Variants in POU6F1 observed in about 807,000 individuals in gnomAD.
The protein encoded by POU6F1 is POU domain, class 6, transcription factor 1.
In POU6F1, 9 loss-of-function variants were observed where a neutral mutation model predicts 28.9. That is an observed-to-expected ratio of 0.31 (90% CI 0.19 to 0.54). POU6F1 has a LOEUF of 0.54. POU6F1 is among the 20% of genes least tolerant of loss of function. POU6F1 has a pLI of 0.94. For synonymous variants in POU6F1, 173 were observed against 171.1 expected (o/e 1.01, Z -0.09); for missense variants, 338 against 426.1 (o/e 0.79, Z 1.82).
rs1942206069 is a variant in POU6F1, at chr12:51,188,784, T to G, written c.*1463A>C. 1 of 152,146 alleles carries G rather than the reference T, an allele frequency of 6.6e-6. No individual in the cohort carries two copies. The highest frequency in any genetic ancestry group is 1.5e-5 in the Non-Finnish European group (1 of 68,032). The allele number at this position is 152,146 out of a possible 1,614,324, so 9.4% of individuals were successfully genotyped here. A position where few individuals can be genotyped will look rare whatever the true frequency, so the allele number is the denominator to read the frequency against. ...GGCAGCTGTTAGAGACCAGCCTCTG[T>G]AAGGATAAGAGTACTGAAGACAGGG... On this transcript the variant is annotated 3_prime_UTR_variant, in exon 11 of 11. Transcript: ENST00000333640.
chr12:51,208,988 G>A (rs1943811955), intron 1 of POU6F1, among the ~76,000 whole-genome samples: 1 of 152,176 alleles, frequency 6.6e-6, no homozygotes, highest in Non-Finnish European at 1.5e-5. Context: ...ATAAGGCTCT[G>A]TCAGTGAGGA....
At chr12:51,198,956 G>A (rs973804072) in intron 4 of POU6F1, among the ~76,000 whole-genome samples, 181 bp from the exon 5 acceptor site, 7 of 152,230 alleles carry the variant, frequency 4.6e-5, no homozygotes, top group Admixed American at 1.3e-4. Context: ...AACCTGAGGG[G>A]GTGCCTGGAC....
At chr12:51,201,875 T>TC (rs1420755570) in intron 3 of POU6F1, 6 of 148,178 alleles carry the variant, frequency 4.0e-5, no homozygotes, top group East Asian at 1.9e-4. Flanking sequence ...TTTTTTTTTT[T>TC]CTGAGACAAG....
intron 1 of POU6F1, 189 bp from the exon 2 acceptor site, chr12:51,207,072 G>A (rs1943678238): frequency 3.2e-6 from 1 of 313,318 alleles, no homozygotes; most frequent in Admixed American, 5.0e-5. Context: ...CGCCCAGGCT[G>A]GAGTGCAGTG....
intron 8 of POU6F1, among the ~76,000 whole-genome samples, chr12:51,193,404 G>A (rs537332298): frequency 2.0e-5 from 3 of 152,208 alleles, no homozygotes; most frequent in African/African-American, 4.8e-5. Context: ...GTGAGACCCC[G>A]ACTCTTACTA....
chr12:51,213,226 C>G (rs969683979), intron 1 of POU6F1, among the ~76,000 whole-genome samples: 1 of 152,120 alleles, frequency 6.6e-6, no homozygotes, highest in South Asian at 2.1e-4. Context: ...CGTGAGCCAC[C>G]GCGCCCGGCC....
At chr12:51,202,662 G>C (rs371805815) in intron 3 of POU6F1, 1 of 152,112 alleles carries the variant, frequency 6.6e-6, no homozygotes, top group Non-Finnish European at 1.5e-5. Flanking sequence ...ATCACACACA[G>C]AATTTTTTAA....
rs994277355 is a variant in POU6F1 at position 51,217,940 on chromosome 12, G to T, written c.-346C>A. 1.1e-4 allele frequency among the ~76,000 whole-genome samples: 16 copies of T among 151,916 alleles called. No individual in the cohort carries two copies. In the East Asian group the frequency reaches 2.9e-3, roughly 28 times the overall value. Reference sequence around the variant, plus strand: ...GGAAGGGGAAGCCGGGTGGGGGGGCGGTCAGGTATATATTTTTCTTCGTTC... The same window carrying T: ...GGAAGGGGAAGCCGGGTGGGGGGGCTGTCAGGTATATATTTTTCTTCGTTC... On this transcript the variant is annotated 5_prime_UTR_variant, in exon 1 of 11. Transcript: ENST00000333640. This position sits in a 1 kb window ranked among gnomAD's most constrained non-coding sequence, Gnocchi z 5.3.
chr12:51,190,687 C>T lies in POU6F1; in HGVS notation c.1491-95G>A, dbSNP rs938063560. ...GGTGCAGGCTCCATCCTCAAGGGGCCGCTCCTCTAGGGGCTGGTGAGACTG... is the reference window on the plus strand; with the variant it reads ...GGTGCAGGCTCCATCCTCAAGGGGCTGCTCCTCTAGGGGCTGGTGAGACTG... On this transcript the variant is annotated intron_variant, in intron 10 of 10. Coordinates refer to ENST00000333640, the MANE Select transcript of POU6F1 (RefSeq NM_001330422.2). This position sits in a 1 kb window ranked among gnomAD's most constrained non-coding sequence, Gnocchi z 4.5. The T allele has an allele frequency of 5.1e-5, 77 of 1,521,076 alleles. No homozygotes were observed. The highest frequency in any genetic ancestry group is 1.0e-4 in the South Asian group (8 of 78,332). 94.2% of individuals were successfully genotyped at this position (1,521,076 alleles called of 1,614,324 possible).
chr12:51,214,392 G>A lies in POU6F1; in HGVS notation c.-48+3250C>T, dbSNP rs561902690. ...CTTCAAGGCTCTGTCGACCTGCCCCGGACCCCATCCTCCTGACACCACACA... is the reference window on the plus strand; with the variant it reads ...CTTCAAGGCTCTGTCGACCTGCCCCAGACCCCATCCTCCTGACACCACACA... On this transcript the variant is annotated intron_variant, in intron 1 of 10. Transcript: ENST00000333640. Among the ~76,000 whole-genome samples the A allele has an allele frequency of 2.5e-4, 38 of 152,088 alleles. No individual in the cohort carries two copies. In the South Asian group the frequency reaches 5.8e-3, roughly 23 times the overall value.
chr12:51,198,407 G>A (rs1283702036), intron 5 of POU6F1, 143 bp downstream of exon 5: 5 of 397,882 alleles, frequency 1.3e-5, no homozygotes, highest in East Asian at 7.1e-5. Flanking sequence ...CTCTGCGGCC[G>A]GATGCCCAAG....
At chr12:51,204,939 A>G (rs1367265309) in intron 2 of POU6F1, among the ~76,000 whole-genome samples, 1 of 152,004 alleles carries the variant, frequency 6.6e-6, no homozygotes, top group East Asian at 1.9e-4. Context: ...GTAAAGGCTC[A>G]GGATTTCCCT....
In POU6F1 at chr12:51,190,027, A is replaced by G; in HGVS notation, c.*220T>C. On this transcript the variant is annotated 3_prime_UTR_variant, in exon 11 of 11. Transcript: ENST00000333640. The surrounding 1 kb of genome is among the most constrained non-coding windows in gnomAD (Gnocchi z 4.5). ...TCCTCTTCTTCGGAGTGACCAGCCC[A>G]GAGCCTGGAGCTCTCGTGTGGCCCC... 1.3e-6 allele frequency: 1 copy of G among 782,620 alleles called. No individual in the cohort carries two copies. Among genetic ancestry groups the G allele is most frequent in the Non-Finnish European group, 2.0e-6 (1 of 512,790 alleles). The allele number at this position is 782,620 out of a possible 1,614,324, so 48.5% of individuals were successfully genotyped here.
At chr12:51,216,247 C>G (rs1435083136) in intron 1 of POU6F1, among the ~76,000 whole-genome samples, 1 of 152,274 alleles carries the variant, frequency 6.6e-6, no homozygotes, top group Non-Finnish European at 1.5e-5. Context: ...ATCTTGGGGA[C>G]AAGAATATGA....
Position 51,190,106 on chromosome 12 carries a change from A to C in POU6F1, c.*141T>G. The C allele has an allele frequency of 7.3e-7, 1 of 1,368,240 alleles. No homozygotes were observed. The highest frequency in any genetic ancestry group is 9.7e-7 in the Non-Finnish European group (1 of 1,032,080). 84.8% of individuals were successfully genotyped at this position (1,368,240 alleles called of 1,614,324 possible). A position where few individuals can be genotyped will look rare whatever the true frequency, so the allele number is the denominator to read the frequency against. ...TGGGAGAAAAGAGGGACATTGATGC[A>C]CATGCACACGGTGGAGTCTGATGAC... On this transcript the variant is annotated 3_prime_UTR_variant, in exon 11 of 11. Coordinates refer to ENST00000333640, the MANE Select transcript of POU6F1 (RefSeq NM_001330422.2). The surrounding 1 kb of genome is among the most constrained non-coding windows in gnomAD (Gnocchi z 4.5).
At chr12:51,196,208 G>A (rs906426432) in intron 7 of POU6F1, 35 bp from the exon 8 acceptor site, 5 of 1,448,008 alleles carry the variant, frequency 3.5e-6, no homozygotes, top group African/African-American at 1.4e-5. Context: ...CCAGGTGTGA[G>A]GGTAGCATCC....
At chr12:51,196,721 C>T (rs938093543) in intron 7 of POU6F1, 78 bp downstream of exon 7, 6 of 1,538,158 alleles carry the variant, frequency 3.9e-6, no homozygotes, top group East Asian at 4.5e-5. Context: ...CTATGACCCA[C>T]AGCCCAAGAC....
At chr12:51,200,088 G>C (rs571542696) in intron 3 of POU6F1, among the ~76,000 whole-genome samples, 1 of 152,312 alleles carries the variant, frequency 6.6e-6, no homozygotes, top group East Asian at 1.9e-4. Flanking sequence ...GGGGAGCCCT[G>C]TGCCAGCTCT....
chr12:51,191,463 G>T (rs1330459131), intron 10 of POU6F1, 133 bp downstream of exon 10: 3 of 1,084,938 alleles, frequency 2.8e-6, no homozygotes, highest in Non-Finnish European at 3.9e-6. Context: ...CCTTAAGATG[G>T]TCTTCCTTAT....
Sources: allele counts gnomAD v4.1 joint callset (sites outside exome capture counted in the v4.1 genomes callset), GRCh38; gene constraint gnomAD v4.1.1; non-coding constraint Gnocchi (gnomAD v3.1); transcripts MANE v1.5; gene names NCBI Gene and HGNC (gene_info 2026-07-23, HGNC 2026-07-21).